TRIM55: variants seen among roughly 807,000 people sequenced by gnomAD.
TRIM55 encodes tripartite motif-containing protein 55.
In TRIM55, 50 loss-of-function variants were observed where a neutral mutation model predicts 60.9. That is an observed-to-expected ratio of 0.82 (90% CI 0.65 to 1.04). The LOEUF is 1.04. TRIM55 is among the 50% of genes least tolerant of loss of function. The pLI is 0.00. For missense variants in TRIM55, 681 were observed against 666.9 expected (o/e 1.02, Z -0.23); for synonymous variants, 237 against 238.1 (o/e 1.00, Z 0.04).
chr8:66,160,222 C>A lies in TRIM55; in HGVS notation c.1524+5888C>A, dbSNP rs1264159781. ...TTGCATCCTTATAGCTTAGCTCCCA[C>A]ATATAAGTGAGAACATACAATGTTT... On this transcript the variant is annotated intron_variant, in intron 9 of 9. Coordinates refer to ENST00000315962, the MANE Select transcript of TRIM55 (RefSeq NM_184085.2). 2.0e-5 allele frequency among the ~76,000 whole-genome samples: 3 copies of A among 152,292 alleles called. No homozygotes were observed. The East Asian group carries it at 5.8e-4, about 29-fold the overall frequency.
upstream of TRIM55, among the ~76,000 whole-genome samples, chr8:66,124,604 T>C (rs1808751327): frequency 6.6e-6 from 1 of 152,056 alleles, no homozygotes; most frequent in Non-Finnish European, 1.5e-5. Context: ...CCTGAAATGC[T>C]GTAGCTGTTG....
the TRIM55 span, among the ~76,000 whole-genome samples, chr8:66,115,838 G>A: frequency 1.3e-5 from 2 of 152,130 alleles, no homozygotes; most frequent in African/African-American, 4.8e-5. Context: ...TTTTAATTAA[G>A]ATATAACATG....
chr8:66,168,821 A>G (rs1811462640), intron 9 of TRIM55, among the ~76,000 whole-genome samples: 1 of 152,212 alleles, frequency 6.6e-6, no homozygotes, highest in African/African-American at 2.4e-5. Flanking sequence ...GGCATCAGTC[A>G]TCCCTCAGGA....
At chr8:66,165,445 T>G (rs1346032518) in intron 9 of TRIM55, among the ~76,000 whole-genome samples, 1 of 152,008 alleles carries the variant, frequency 6.6e-6, no homozygotes, top group African/African-American at 2.4e-5. Flanking sequence ...AACTAGAGAC[T>G]AAGAACATGA....
chr8:66,147,459 TG>T (rs1333890415), intron 4 of TRIM55, among the ~76,000 whole-genome samples: 2 of 152,036 alleles, frequency 1.3e-5, no homozygotes, highest in African/African-American at 4.8e-5. Context: ...GACTCCATAC[TG>T]AGAATAGTAG....
rs1251727284 is a variant in TRIM55, at chr8:66,135,093, G to T, written c.445G>T (p.Val149Leu). Residue 149 changes from valine to leucine, a missense_variant, in exon 3 of 10, where the codon GTG (valine) becomes TTG (leucine). Physicochemically the swap from Val to Leu is conservative, Grantham distance 32. Coordinates refer to ENST00000315962, the MANE Select transcript of TRIM55 (RefSeq NM_184085.2). The stretch of plus-strand genomic sequence containing the variant: ...AGTACCCACCTGCTCTCTGTGCAAG[G>T]TGTTTGGTGCACACAAAGACTGCCA... ...CEVPTCSLCK[V>L]FGAHKDCQVA... 6.2e-7 allele frequency: 1 copy of T among 1,614,218 alleles called. No individual in the cohort carries two copies. The highest frequency in any genetic ancestry group is 1.7e-5 in the Admixed American group (1 of 60,032).
the TRIM55 span, among the ~76,000 whole-genome samples, chr8:66,116,134 T>C: frequency 3.3e-5 from 5 of 151,594 alleles, no homozygotes; most frequent in Non-Finnish European, 5.9e-5. Context: ...GGAAGAACAA[T>C]GCTAAAAATA....
chr8:66,159,638 C>A (rs886219995), intron 9 of TRIM55, among the ~76,000 whole-genome samples: 3 of 152,180 alleles, frequency 2.0e-5, no homozygotes, highest in African/African-American at 7.2e-5. Flanking sequence ...GGTTATTCAA[C>A]TTTTTCTGTT....
chr8:66,146,221 C>T (rs1033006073), intron 4 of TRIM55, among the ~76,000 whole-genome samples: 10 of 152,064 alleles, frequency 6.6e-5, no homozygotes, highest in African/African-American at 2.4e-4. Context: ...TATGGGGTAG[C>T]ATTTCCTGCA....
chr8:66,140,289 G>A (rs1215879784), intron 4 of TRIM55, among the ~76,000 whole-genome samples: 5 of 152,232 alleles, frequency 3.3e-5, no homozygotes, highest in Admixed American at 6.5e-5. Flanking sequence ...AAGTTTAAGG[G>A]CAGCGAATAG....
At chr8:66,119,084 CT>C in the TRIM55 span, among the ~76,000 whole-genome samples, 1 of 152,216 alleles carries the variant, frequency 6.6e-6, no homozygotes, top group Non-Finnish European at 1.5e-5. Flanking sequence ...TCTTGGTCCA[CT>C]GGTGCCCTAG....
At chr8:66,117,310 A>G in the TRIM55 span, among the ~76,000 whole-genome samples, 2 of 152,210 alleles carry the variant, frequency 1.3e-5, no homozygotes, top group East Asian at 1.9e-4. Flanking sequence ...AAAGACCTCC[A>G]CATAGGAAAG....
chr8:66,154,298 T>G lies in TRIM55; in HGVS notation c.1488T>G (p.Ser496Arg). Residue 496 changes from serine to arginine, a missense_variant, in exon 9 of 10, where the codon AGT (serine) becomes AGG (arginine). Ser to Arg is a moderately radical substitution (Grantham distance 110, BLOSUM62 -1). Coordinates refer to ENST00000315962, the MANE Select transcript of TRIM55 (RefSeq NM_184085.2). ...AAAASERAAV[S>R]GKETSAPAAT... The stretch of plus-strand genomic sequence containing the variant: ...CAGCGAGTGAGAGGGCAGCTGTGAG[T>G]GGTAAGGAAACTAGTGCACCTGCAG... 6.2e-7 allele frequency: 1 copy of G among 1,613,902 alleles called. No homozygotes were observed. Among genetic ancestry groups the G allele is most frequent in the South Asian group, 1.1e-5 (1 of 91,072 alleles).
At chr8:66,133,137 A>G (rs1586175595) in intron 2 of TRIM55, among the ~76,000 whole-genome samples, 1 of 152,186 alleles carries the variant, frequency 6.6e-6, no homozygotes. Context: ...TCCCAACCCC[A>G]GAGGGCACTG....
In TRIM55 at chr8:66,137,166, G is replaced by A. The variant is rs1252948933; in HGVS notation, c.579G>A (p.Leu193=). The change falls in exon 4 of 10, where the codon CTG becomes CTA. Residue 193 remains leucine (L), a synonymous_variant. Transcript: ENST00000315962. The part of the protein sequence containing the change: ...NDRVQGVISQ[L]EDTCKTIEEC... ...GAGTCCAGGGAGTGATCAGCCAGCTGGAAGACACCTGCAAAACTATCGAGG... is the reference window on the plus strand; with the variant it reads ...GAGTCCAGGGAGTGATCAGCCAGCTAGAAGACACCTGCAAAACTATCGAGG... 6.2e-7 allele frequency: 1 copy of A among 1,613,990 alleles called. No homozygotes were observed. The highest frequency in any genetic ancestry group is 1.3e-5 in the African/African-American group (1 of 74,928).
chr8:66,123,565 A>G (rs1808710771), upstream of TRIM55, among the ~76,000 whole-genome samples: 1 of 152,226 alleles, frequency 6.6e-6, no homozygotes, highest in Admixed American at 6.5e-5. Flanking sequence ...AGAGAAAAAA[A>G]AAGAGAGAGA....
intron 4 of TRIM55, among the ~76,000 whole-genome samples, chr8:66,138,835 A>G (rs1374519964): frequency 1.6e-4 from 24 of 152,248 alleles, no homozygotes. Flanking sequence ...TGCTTAGCAC[A>G]GTGCCTGGCA....
intron 7 of TRIM55, 121 bp from the exon 8 acceptor site, chr8:66,152,256 T>C (rs1346011621): frequency 3.7e-6 from 5 of 1,343,442 alleles, no homozygotes; most frequent in African/African-American, 1.5e-5. Flanking sequence ...CATTGTCAAG[T>C]GTCTGTCAGA....
chr8:66,118,002 T>TA, the TRIM55 span, among the ~76,000 whole-genome samples: 1 of 150,214 alleles, frequency 6.7e-6, no homozygotes, highest in African/African-American at 2.4e-5. Context: ...CCATCTCTAC[T>TA]AAAAAATACA....
Sources: allele counts gnomAD v4.1 joint callset (sites outside exome capture counted in the v4.1 genomes callset), GRCh38; gene constraint gnomAD v4.1.1; transcripts MANE v1.5; gene names NCBI Gene and HGNC (gene_info 2026-07-23, HGNC 2026-07-21).